Variants in GLYATL2 observed in about 807,000 individuals in gnomAD.
The protein encoded by GLYATL2 is glycine N-acyltransferase-like protein 2.
A neutral mutation model predicts 21.4 loss-of-function variants in GLYATL2; 25 were observed. That is an observed-to-expected ratio of 1.17 (90% CI 0.85 to 1.63). The LOEUF (loss-of-function observed/expected upper bound fraction) is 1.63. Among genes scored for constraint, GLYATL2 ranks in the 40% most tolerant of loss-of-function variants. GLYATL2 has a pLI of 0.00. For missense variants in GLYATL2, 361 were observed against 343.3 expected (o/e 1.05, Z -0.41); for synonymous variants, 114 against 118.2 (o/e 0.96, Z 0.23).
At chr11:58,866,238 T>A (rs532325246) in intron 1 of GLYATL2, among the ~76,000 whole-genome samples, 1,518 of 149,226 alleles carry the variant, frequency 0.01, 126 homozygotes, top group Non-Finnish European at 0.017. Flanking sequence ...TTGTTATTTA[T>A]CTCAAACTCC....
chr11:58,847,509 A>C (rs1853664280), upstream of GLYATL2, among the ~76,000 whole-genome samples: 1 of 152,170 alleles, frequency 6.6e-6, no homozygotes, highest in Non-Finnish European at 1.5e-5. Context: ...CTTTACTACA[A>C]GCTGATTTAA....
At chr11:58,860,769 T>C (rs1286396560) in intron 1 of GLYATL2, among the ~76,000 whole-genome samples, 1 of 152,088 alleles carries the variant, frequency 6.6e-6, no homozygotes, top group Non-Finnish European at 1.5e-5. Flanking sequence ...ATGAGCTACA[T>C]TTCTTCTATA....
At chr11:58,908,775 C>T (rs938168186), upstream of GLYATL2, among the ~76,000 whole-genome samples, 2 of 152,110 alleles carry the variant, frequency 1.3e-5, no homozygotes, top group Non-Finnish European at 2.9e-5. Flanking sequence ...GAGTAACAAA[C>T]AATATGGACA....
intron 1 of GLYATL2, among the ~76,000 whole-genome samples, chr11:58,840,205 A>G (rs1303040553): frequency 6.6e-6 from 1 of 152,218 alleles, no homozygotes; most frequent in Non-Finnish European, 1.5e-5. Flanking sequence ...TGATACCACC[A>G]AGTAGAAATT....
chr11:58,908,287 T>C (rs1370733100), upstream of GLYATL2: 1 of 152,300 alleles, frequency 6.6e-6, no homozygotes, highest in Admixed American at 6.5e-5. Flanking sequence ...GCATATGATT[T>C]TCTTCTCAGA....
chr11:58,901,857 AC>A (rs1288879290), intron 1 of GLYATL2, among the ~76,000 whole-genome samples: 3 of 151,990 alleles, frequency 2.0e-5, no homozygotes, highest in Non-Finnish European at 2.9e-5. Context: ...TGATCACTCT[AC>A]CCCCCATTCA....
intron 1 of GLYATL2, chr11:58,840,840 A>AAAAAAAAAAT (rs1853535377): frequency 7.4e-6 from 1 of 134,914 alleles, no homozygotes; most frequent in Non-Finnish European, 1.6e-5. Flanking sequence ...CTCTATCTCA[A>AAAAAAAAAAT]AAAATAAAAT....
intron 1 of GLYATL2, among the ~76,000 whole-genome samples, chr11:58,856,760 G>C (rs1409666709): frequency 6.6e-6 from 1 of 152,136 alleles, no homozygotes; most frequent in African/African-American, 2.4e-5. Flanking sequence ...TGGTGCTCCA[G>C]AACAGCTAAA....
intron 1 of GLYATL2, among the ~76,000 whole-genome samples, chr11:58,899,641 C>G (rs1488779692): frequency 2.0e-5 from 3 of 152,058 alleles, no homozygotes; most frequent in African/African-American, 7.2e-5. Context: ...GGAACAGAGC[C>G]AAGCACATAC....
At chr11:58,877,247 A>T (rs946853084) in intron 1 of GLYATL2, among the ~76,000 whole-genome samples, 1 of 152,210 alleles carries the variant, frequency 6.6e-6, no homozygotes, top group Admixed American at 6.5e-5. Context: ...AGGTGAGGCG[A>T]TGCCTCGCCC....
chr11:58,880,008 G>T (rs530023773), intron 1 of GLYATL2, among the ~76,000 whole-genome samples: 1 of 151,898 alleles, frequency 6.6e-6, no homozygotes, highest in Non-Finnish European at 1.5e-5. Flanking sequence ...GCAGGTGCCC[G>T]CCACCTTGCC....
chr11:58,843,329 T>C (rs77066497), intron 1 of GLYATL2, among the ~76,000 whole-genome samples: 2,183 of 152,142 alleles, frequency 0.014, 57 homozygotes, highest in African/African-American at 0.05. Context: ...TGGGAAACAG[T>C]TAGGGTTTAA....
intron 1 of GLYATL2, among the ~76,000 whole-genome samples, chr11:58,866,201 G>T (rs1854021101): frequency 1.3e-5 from 2 of 148,656 alleles, no homozygotes; most frequent in Admixed American, 1.4e-4. Flanking sequence ...ATTCCACTTT[G>T]GTGTCAAGTT....
At chr11:58,883,661 C>T (rs984400196) in intron 1 of GLYATL2, among the ~76,000 whole-genome samples, 1 of 152,174 alleles carries the variant, frequency 6.6e-6, no homozygotes, top group Admixed American at 6.5e-5. Context: ...GGTACCATTC[C>T]TTCTGAAACT....
At chr11:58,849,277 C>G (rs10792186), upstream of GLYATL2, among the ~76,000 whole-genome samples, 134,698 of 151,808 alleles carry the variant, frequency 0.89, 60,904 homozygotes, top group Non-Finnish European at 0.98. Flanking sequence ...TAAGTACACA[C>G]GAACAGACAG....
intron 1 of GLYATL2, chr11:58,878,280 A>G: frequency 2.2e-6 from 1 of 461,204 alleles, no homozygotes; most frequent in Non-Finnish European, 3.9e-6. Context: ...GCAGGATCTG[A>G]AGTGGAGCTT....
intron 1 of GLYATL2, among the ~76,000 whole-genome samples, chr11:58,852,704 G>A (rs1003644238): frequency 1.3e-5 from 2 of 152,172 alleles, no homozygotes; most frequent in Admixed American, 6.6e-5. Context: ...ATTGCCATCA[G>A]CTATTTGAGA....
chr11:58,843,871 T>A (rs1174060182), intron 1 of GLYATL2, among the ~76,000 whole-genome samples: 1 of 152,130 alleles, frequency 6.6e-6, no homozygotes, highest in Non-Finnish European at 1.5e-5. Flanking sequence ...AAGAAGGGAA[T>A]GGGAGTTTCA....
At chr11:58,839,221 G>T (rs1263642281) in intron 2 of GLYATL2, among the ~76,000 whole-genome samples, 1 of 152,134 alleles carries the variant, frequency 6.6e-6, no homozygotes, top group Non-Finnish European at 1.5e-5. Context: ...GACCCTATAT[G>T]TGTCATATAG....
Sources: allele counts gnomAD v4.1 joint callset (sites outside exome capture counted in the v4.1 genomes callset), GRCh38; gene constraint gnomAD v4.1.1; transcripts MANE v1.5; gene names NCBI Gene and HGNC (gene_info 2026-07-23, HGNC 2026-07-21).